WDR72: variants seen among roughly 807,000 people sequenced by gnomAD.
WDR72 encodes the protein WD repeat-containing protein 72.
WDR72 carries 120 observed loss-of-function variants against 124.2 expected under a neutral mutation model. The observed-to-expected ratio is 0.97, with a 90% CI of 0.83 to 1.12. The LOEUF is 1.12. Ranked by LOEUF, WDR72 falls within the 50% of genes most tolerant of loss-of-function variation. The pLI is 0.00. For missense variants in WDR72, 1,387 were observed against 1,278.8 expected, an observed-to-expected ratio of 1.08 and a Z score of -1.29; for synonymous variants, 452 against 441.7, an observed-to-expected ratio of 1.02 and a Z score of -0.29.
chr15:53,681,806 A>C (rs777015531), intron 13 of WDR72, among the ~76,000 whole-genome samples: 1 of 152,184 alleles, frequency 6.6e-6, no homozygotes, highest in African/African-American at 2.4e-5. Context: ...AACCAAAAAA[A>C]GGTGGAGTTG....
At chr15:53,563,032 T>C (rs917514678) in intron 18 of WDR72, among the ~76,000 whole-genome samples, 1 of 151,794 alleles carries the variant, frequency 6.6e-6, no homozygotes, top group East Asian at 1.9e-4. Context: ...TTTTAAAAAT[T>C]TATCTCAGTG....
At chr15:53,534,958 T>C (rs914527643) in intron 18 of WDR72, among the ~76,000 whole-genome samples, 13 of 152,194 alleles carry the variant, frequency 8.5e-5, no homozygotes, top group African/African-American at 3.1e-4. Context: ...TTCTATTTTA[T>C]ACATTTTTAT....
chr15:53,714,378 T>C, intron 6 of WDR72, 56 bp downstream of exon 6: 1 of 1,399,160 alleles, frequency 7.1e-7, no homozygotes. Flanking sequence ...AATTTATAAA[T>C]TTTAATGAAT....
chr15:53,712,574 A>G (rs2017573027), intron 7 of WDR72, among the ~76,000 whole-genome samples, 198 bp downstream of exon 7: 3 of 150,916 alleles, frequency 2.0e-5, no homozygotes, highest in African/African-American at 7.4e-5. Flanking sequence ...CAGCCTGGGA[A>G]ACAGAGTGAG....
chr15:53,649,389 AT>A (rs1156817893), intron 14 of WDR72, among the ~76,000 whole-genome samples: 1 of 152,130 alleles, frequency 6.6e-6, no homozygotes, highest in Admixed American at 6.6e-5. Context: ...TATGCAAAAT[AT>A]TTTTTCTGGG....
intron 17 of WDR72, among the ~76,000 whole-genome samples, chr15:53,606,151 C>T (rs1291432514): frequency 5.3e-5 from 8 of 152,090 alleles, no homozygotes; most frequent in African/African-American, 1.4e-4. Context: ...TCCAAACATG[C>T]CCAAATGACA....
At chr15:53,605,626 G>A (rs976361021) in intron 17 of WDR72, among the ~76,000 whole-genome samples, 26 of 152,150 alleles carry the variant, frequency 1.7e-4, no homozygotes, top group African/African-American at 6.0e-4. Context: ...AGGCCAAGGC[G>A]GGGGGATCAT....
chr15:53,660,570 G>A (rs2015575779), intron 14 of WDR72, among the ~76,000 whole-genome samples: 1 of 151,960 alleles, frequency 6.6e-6, no homozygotes, highest in South Asian at 2.1e-4. Flanking sequence ...TCACCATAAG[G>A]TCAGCTAAAG....
intron 13 of WDR72, among the ~76,000 whole-genome samples, chr15:53,682,499 T>G (rs918961748): frequency 2.0e-5 from 3 of 152,184 alleles, no homozygotes; most frequent in Non-Finnish European, 4.4e-5. Flanking sequence ...TTCTTATTAC[T>G]GTATTTTTGC....
chr15:53,634,179 AAAC>A (rs2014538202), intron 14 of WDR72, among the ~76,000 whole-genome samples: 1 of 152,226 alleles, frequency 6.6e-6, no homozygotes, highest in African/African-American at 2.4e-5. Flanking sequence ...ACCTGGACAT[AAAC>A]AACAAAAATA....
intron 14 of WDR72, among the ~76,000 whole-genome samples, chr15:53,634,079 C>A (rs1595808644): frequency 6.6e-6 from 1 of 152,242 alleles, no homozygotes; most frequent in Middle Eastern, 3.4e-3. Context: ...TGATAATGTG[C>A]CCTCCTGAGT....
At chr15:53,657,105 A>G (rs2015449433) in intron 14 of WDR72, among the ~76,000 whole-genome samples, 1 of 151,962 alleles carries the variant, frequency 6.6e-6, no homozygotes, top group Admixed American at 6.6e-5. Context: ...TCTACTAAAA[A>G]TACAAAAAAT....
intron 18 of WDR72, among the ~76,000 whole-genome samples, chr15:53,529,181 TA>T (rs1194967219): frequency 0.067 from 8,815 of 130,844 alleles, 736 homozygotes; most frequent in African/African-American, 0.19. Context: ...TTTTTTTTTT[TA>T]AAAGAATATA....
chr15:53,545,132 C>T (rs56231000), intron 18 of WDR72, among the ~76,000 whole-genome samples: 25,715 of 143,652 alleles, frequency 0.18, 2,455 homozygotes, highest in Middle Eastern at 0.24. Context: ...AAGCTACCAA[C>T]GACTTTCTTC....
intron 16 of WDR72, among the ~76,000 whole-genome samples, chr15:53,611,590 A>G (rs1311503942): frequency 6.6e-6 from 1 of 152,118 alleles, no homozygotes; most frequent in Non-Finnish European, 1.5e-5. Flanking sequence ...GGGGCTATTT[A>G]GATGGAACAT....
Position 53,513,891 on chromosome 15 carries a change from T to C in WDR72, c.*3808A>G, listed in dbSNP as rs970204077. 6.6e-6 allele frequency: 1 copy of C among 152,160 alleles called. No homozygotes were observed. Among genetic ancestry groups the C allele is most frequent in the African/African-American group, 2.4e-5 (1 of 41,432 alleles). The allele number at this position is 152,160 out of a possible 1,614,324, so 9.4% of individuals were successfully genotyped here. ...AGTTGTACTAGGACAGGCCTCCCATTAGACACATGCTGTCTTCCAGGGGTC... is the reference window on the plus strand; with the variant it reads ...AGTTGTACTAGGACAGGCCTCCCATCAGACACATGCTGTCTTCCAGGGGTC... On this transcript the variant is annotated 3_prime_UTR_variant, in exon 20 of 20. Transcript: ENST00000360509.
chr15:53,630,533 C>G (rs2014384735), intron 14 of WDR72, among the ~76,000 whole-genome samples: 1 of 152,094 alleles, frequency 6.6e-6, no homozygotes, highest in African/African-American at 2.4e-5. Context: ...TAGAATTTAT[C>G]CCACATATAG....
Position 53,605,722 on chromosome 15 carries a change from G to GTT in WDR72, c.2952+3789_2952+3790dup, listed in dbSNP as rs938509668. On this transcript the variant is annotated intron_variant, in intron 17 of 19. Transcript: ENST00000360509. Reference sequence around the variant, plus strand: ...ATACAAAAATTAGCTGGGCATGGTGGTTCATGCCTGTAATCCCAGCTACTT... The same window carrying GTT: ...ATACAAAAATTAGCTGGGCATGGTGGTTTTCATGCCTGTAATCCCAGCTACTT... Among the ~76,000 whole-genome samples the GTT allele has an allele frequency of 1.1e-4, 17 of 152,080 alleles. No homozygotes were observed. In the East Asian group the frequency reaches 1.5e-3, roughly 14 times the overall value.
chr15:53,587,738 T>C (rs771898459), intron 18 of WDR72, among the ~76,000 whole-genome samples: 44 of 152,036 alleles, frequency 2.9e-4, no homozygotes, highest in Non-Finnish European at 4.9e-4. Flanking sequence ...ATATAGACCA[T>C]GTTCTTAGGC....
Sources: gnomAD v4.1 joint callset for allele counts (sites outside exome capture counted in the v4.1 genomes callset) on GRCh38, gnomAD v4.1.1 for gene constraint, MANE v1.5 for transcripts, NCBI Gene and HGNC (gene_info 2026-07-23, HGNC 2026-07-21) for gene names.